The following GZMM variants were observed in gnomAD, a reference collection of about 807,000 sequenced individuals.
The protein encoded by GZMM is HU-Met-1.
In GZMM, 23 loss-of-function variants were observed where a neutral mutation model predicts 19.2. The observed-to-expected ratio is 1.20, with a 90% CI of 0.86 to 1.69. The LOEUF (loss-of-function observed/expected upper bound fraction) is 1.69, where lower values mean the gene tolerates loss of function less well. Among genes scored for constraint, GZMM ranks in the 40% most tolerant of loss-of-function variants. GZMM has a pLI of 0.00. For synonymous variants in GZMM, 178 were observed against 160.2 expected, an observed-to-expected ratio of 1.11 and a Z score of -0.84; for missense variants, 373 against 352.2, an observed-to-expected ratio of 1.06 and a Z score of -0.47.
intron 1 of GZMM, among the ~76,000 whole-genome samples, chr19:545,850 A>G (rs1409488758): frequency 6.7e-6 from 1 of 148,192 alleles, no homozygotes; most frequent in Non-Finnish European, 1.5e-5. Context: ...TCACCGTGTT[A>G]GCCAGGATGG....
At chr19:548,229 G>A (rs1270251969) in intron 2 of GZMM, among the ~76,000 whole-genome samples, 1 of 152,190 alleles carries the variant, frequency 6.6e-6, no homozygotes, top group African/African-American at 2.4e-5. Context: ...GTTGAGCCTG[G>A]GGCCCCAAGT....
In GZMM at chr19:549,071, G is replaced by A; in HGVS notation, c.498G>A (p.Leu166=). 1 of 1,590,624 alleles carries A rather than the reference G, an allele frequency of 6.3e-7. No individual in the cohort carries two copies. The highest frequency in any genetic ancestry group is 8.5e-7 in the Non-Finnish European group (1 of 1,170,042). Residue 166 remains leucine (L), a synonymous_variant, in exon 4 of 5, where the codon CTG becomes CTA. Transcript: ENST00000264553. The part of the protein sequence containing the change: ...GGRLSRVLRE[L]DLQVLDTRMC... ...GCCTGTCCCGGGTGCTGCGGGAGCT[G>A]GACCTCCAAGTGCTGGACACCCGCA...
intron 4 of GZMM, 138 bp from the exon 5 acceptor site, chr19:549,492 A>G (rs1599884): frequency 0.96 from 811,985 of 844,708 alleles, 390,388 homozygotes; most frequent in East Asian, 1. Context: ...GGGAGGGGAC[A>G]CGCGTGGGCC....
Position 548,459 on chromosome 19 carries a change from G to A in GZMM, c.213-83G>A, listed in dbSNP as rs956255874. The stretch of plus-strand genomic sequence containing the variant: ...GCTGTGAGTGATGGCCATGGACAAC[G>A]GGCACAGTGGGGGCCGGGACTGCAT... On this transcript the variant is annotated intron_variant, in intron 2 of 4. Transcript: ENST00000264553. 45 of 1,398,198 alleles carry A rather than the reference G, an allele frequency of 3.2e-5. No individual in the cohort carries two copies. The Middle Eastern group carries it at 1.1e-3, about 35-fold the overall frequency. The allele number at this position is 1,398,198 out of a possible 1,614,324, so 86.6% of individuals were successfully genotyped here.
chr19:544,250 G>A, intron 1 of GZMM, 124 bp downstream of exon 1: 3 of 814,044 alleles, frequency 3.7e-6, no homozygotes, highest in Non-Finnish European at 6.0e-6. Context: ...ATCCTTGTTT[G>A]GAGGGGGACT....
At position 547,372 on chromosome 19, in the gene GZMM, C is replaced by G; in HGVS notation, c.148C>G (p.Leu50Val). 6.4e-7 allele frequency: 1 copy of G among 1,570,710 alleles called. No homozygotes were observed. The highest frequency in any genetic ancestry group is 8.6e-7 in the Non-Finnish European group (1 of 1,160,524). Residue 50 changes from leucine (L) to valine (V), a missense_variant, in exon 2 of 5, where the codon CTG becomes GTG. By Grantham distance (32) the Leu-to-Val change is conservative. Coordinates refer to ENST00000264553, the MANE Select transcript of GZMM (RefSeq NM_005317.4). ...MASLQRNGSH[L>V]CGGVLVHPKW... Reference sequence around the variant, plus strand: ...CTCACTGCAGAGAAATGGCTCCCACCTGTGCGGGGGTGTCCTGGTGCACCC... The same window carrying G: ...CTCACTGCAGAGAAATGGCTCCCACGTGTGCGGGGGTGTCCTGGTGCACCC...
At position 549,180 on chromosome 19, in the gene GZMM, T is replaced by A; in HGVS notation, c.607T>A (p.Cys203Ser). The change falls in exon 4 of 5, where the codon TGC (cysteine) becomes AGC (serine). Residue 203 changes from cysteine to serine, a missense_variant. By Grantham distance (112) the Cys-to-Ser change is moderately radical (BLOSUM62 -1). Coordinates refer to ENST00000264553, the MANE Select transcript of GZMM (RefSeq NM_005317.4). ...LAADSKDQAP[C>S]KGDSGGPLVC... is the part of the protein sequence containing the mutation. Reference sequence around the variant, plus strand: ...GGCCGACTCCAAGGACCAGGCTCCCTGCAAGGTGAGGGGCGCCCGGGTGGG... The same window carrying A: ...GGCCGACTCCAAGGACCAGGCTCCCAGCAAGGTGAGGGGCGCCCGGGTGGG... 6.4e-7 allele frequency: 1 copy of A among 1,570,650 alleles called. No homozygotes were observed. The highest frequency in any genetic ancestry group is 8.6e-7 in the Non-Finnish European group (1 of 1,158,176).
At chr19:544,219 T>G in intron 1 of GZMM, 93 bp downstream of exon 1, 1 of 1,030,758 alleles carries the variant, frequency 9.7e-7, no homozygotes, top group Non-Finnish European at 1.5e-6. Flanking sequence ...GCCGACATCC[T>G]GGGTGTAAGA....
Position 548,524 on chromosome 19 carries a change from G to A in GZMM, c.213-18G>A, listed in dbSNP as rs1012585483. 9 of 1,612,150 alleles carry A rather than the reference G, an allele frequency of 5.6e-6. No individual in the cohort carries two copies. In the African/African-American group the frequency reaches 1.2e-4, roughly 22 times the overall value. ...ACGCCGGGCCAGGCCGCAGCACCCT[G>A]ATTCCCTCTGTCCCCAGGATGGCCC... On this transcript the variant is annotated intron_variant, in intron 2 of 4. Transcript: ENST00000264553.
At chr19:544,274 T>C in intron 1 of GZMM, 148 bp downstream of exon 1, 1 of 683,782 alleles carries the variant, frequency 1.5e-6, no homozygotes, top group South Asian at 1.7e-5. Context: ...GCCTGGGGCA[T>C]CCCGAGCTCC....
chr19:547,184 C>T lies in GZMM; in HGVS notation c.56-96C>T, dbSNP rs1284127493. 9.5e-5 allele frequency: 112 copies of T among 1,182,140 alleles called. 1 individual carries two copies. In the South Asian group the frequency reaches 2.0e-3, roughly 21 times the overall value. 73.2% of individuals were successfully genotyped at this position (1,182,140 alleles called of 1,614,324 possible). On this transcript the variant is annotated intron_variant, in intron 1 of 4. Transcript: ENST00000264553. The stretch of plus-strand genomic sequence containing the variant: ...GGACTTCATTAGGATGGCACATCTG[C>T]TTGGGGTCCTGGGCCTCTGAGCTGG...
rs1437407740 is a variant in GZMM at position 549,700 on chromosome 19, G to C, written c.683G>C (p.Arg228Thr). The change falls in exon 5 of 5, where the codon AGG becomes ACG. Residue 228 changes from arginine (R) to threonine (T), a missense_variant. By Grantham distance (71) the Arg-to-Thr change is moderately conservative (BLOSUM62 -1). Transcript: ENST00000264553. The part of the protein sequence containing the change: ...VLARVLSFSS[R>T]VCTDIFKPPV... ...GCCAGAGTCCTGTCCTTCAGCTCCA[G>C]GGTCTGCACTGACATCTTCAAGCCT... 2.5e-6 allele frequency: 4 copies of C among 1,613,806 alleles called. No homozygotes were observed. Among genetic ancestry groups the C allele is most frequent in the Non-Finnish European group, 3.4e-6 (4 of 1,179,896 alleles).
At chr19:548,177 TAGG>T (rs1980359197) in intron 2 of GZMM, among the ~76,000 whole-genome samples, 1 of 152,070 alleles carries the variant, frequency 6.6e-6, no homozygotes, top group Admixed American at 6.5e-5. Flanking sequence ...GGGGCACACT[TAGG>T]AGGATTGGCA....
chr19:546,458 T>G (rs1303921692), intron 1 of GZMM, among the ~76,000 whole-genome samples: 1 of 146,686 alleles, frequency 6.8e-6, no homozygotes, highest in Non-Finnish European at 1.5e-5. Context: ...GGAGAATCGC[T>G]TGAACCCAGG....
chr19:548,377 G>T (rs1461102255), intron 2 of GZMM, among the ~76,000 whole-genome samples, 165 bp from the exon 3 acceptor site: 2 of 152,178 alleles, frequency 1.3e-5, no homozygotes, highest in Non-Finnish European at 2.9e-5. Flanking sequence ...CCTGGAGGAG[G>T]TGGGTTGCAA....
rs1169770972 is a variant in GZMM at position 548,472 on chromosome 19, GC to G, written c.213-68del. 4 of 1,510,104 alleles carry G rather than the reference GC, an allele frequency of 2.6e-6. No homozygotes were observed. In the Admixed American group the frequency reaches 6.9e-5, roughly 26 times the overall value. The allele number at this position is 1,510,104 out of a possible 1,614,324, so 93.5% of individuals were successfully genotyped here. ...GCCATGGACAACGGGCACAGTGGGG[GC>G]CGGGACTGCATGTGGCGGGTCGTCC... On this transcript the variant is annotated intron_variant, in intron 2 of 4. Transcript: ENST00000264553.
At chr19:548,852 C>A (rs533389162) in intron 3 of GZMM, 70 bp from the exon 4 acceptor site, 51 of 614,250 alleles carry the variant, frequency 8.3e-5, no homozygotes, top group African/African-American at 7.8e-4. Context: ...CCCCTCCCCC[C>A]GCTGCCGCCC....
intron 1 of GZMM, 99 bp downstream of exon 1, chr19:544,225 T>A: frequency 1.0e-6 from 1 of 970,886 alleles, no homozygotes; most frequent in Non-Finnish European, 1.6e-6. Flanking sequence ...ATCCTGGGTG[T>A]AAGAGCGGAG....
intron 1 of GZMM, among the ~76,000 whole-genome samples, chr19:545,627 G>T (rs763233378): frequency 6.6e-6 from 1 of 151,266 alleles, no homozygotes; most frequent in Non-Finnish European, 1.5e-5. Context: ...GATTACAGGC[G>T]TGAGCCACCG....
Sources: gnomAD v4.1 joint callset for allele counts (sites outside exome capture counted in the v4.1 genomes callset) on GRCh38, gnomAD v4.1.1 for gene constraint, MANE v1.5 for transcripts, NCBI Gene and HGNC (gene_info 2026-07-23, HGNC 2026-07-21) for gene names.